Variants in GPHN observed in about 807,000 individuals in gnomAD.
The protein encoded by GPHN is gephyrin.
A neutral mutation model predicts 95.5 loss-of-function variants in GPHN; 17 were observed. The observed-to-expected ratio is 0.18, with a 90% CI of 0.12 to 0.27. The LOEUF is 0.27. GPHN is among the 10% of genes least tolerant of loss of function. The pLI, the probability that GPHN is intolerant of heterozygous loss-of-function variation, is 1.00. For synonymous variants in GPHN, 320 were observed against 322.5 expected (o/e 0.99, Z 0.08); for missense variants, 660 against 978.1 (o/e 0.67, Z 4.34).
At chr14:67,193,465 A>G in the GPHN span, among the ~76,000 whole-genome samples, 2 of 143,322 alleles carry the variant, frequency 1.4e-5, no homozygotes, top group Non-Finnish European at 3.0e-5. Flanking sequence ...ATATCTAGAT[A>G]TCTAGATATC....
rs147064324 is a variant in GPHN at position 66,609,080 on chromosome 14, T to C, written c.65-72027T>C. Among the ~76,000 whole-genome samples, 39 of 152,314 alleles carry C rather than the reference T, an allele frequency of 2.6e-4. No individual in the cohort carries two copies. The East Asian group carries it at 7.3e-3, about 29-fold the overall frequency. On this transcript the variant is annotated intron_variant, in intron 1 of 22. Transcript: ENST00000478722. ...TTGCATAGCTGCTTTATAGTGTCTATGGGCTATATGCTTAATTGTGTTTTT... is the reference window on the plus strand; with the variant it reads ...TTGCATAGCTGCTTTATAGTGTCTACGGGCTATATGCTTAATTGTGTTTTT...
the GPHN span, chr14:67,587,119 A>G: frequency 6.2e-7 from 1 of 1,613,626 alleles, no homozygotes; most frequent in Non-Finnish European, 8.5e-7. Context: ...GAACCATTGC[A>G]CTACAACTGT....
At chr14:67,473,377 T>C in the GPHN span, 5 of 1,594,996 alleles carry the variant, frequency 3.1e-6, no homozygotes, top group Non-Finnish European at 4.3e-6. The surrounding 1 kb of genome is among the most constrained non-coding windows in gnomAD (Gnocchi z 6.5). Flanking sequence ...TCTTTGTCCA[T>C]GAGTTCCATG....
intron 1 of GPHN, among the ~76,000 whole-genome samples, chr14:66,542,199 A>G (rs571263722): frequency 6.6e-6 from 1 of 152,366 alleles, no homozygotes; most frequent in South Asian, 2.1e-4. Context: ...GAAAATGCAG[A>G]ATCATGCTGA....
intron 3 of GPHN, among the ~76,000 whole-genome samples, chr14:66,781,358 A>G (rs1726101332): frequency 6.6e-6 from 1 of 151,984 alleles, no homozygotes; most frequent in Admixed American, 6.6e-5. Flanking sequence ...CTGGGACTAC[A>G]GGCATGCGCC....
At chr14:66,932,444 GTTTTTTTTTTTTTTT>G (rs35159325) in intron 8 of GPHN, among the ~76,000 whole-genome samples, 16 of 24,394 alleles carry the variant, frequency 6.6e-4, no homozygotes, top group South Asian at 4.9e-3. Context: ...CCAAGACCAG[GTTTTTTTTTTTTTTT>G]TTTTTTTTTT....
At chr14:67,659,696 G>GA in the GPHN span, 11,189 of 1,327,720 alleles carry the variant, frequency 8.4e-3, 2 homozygotes, top group South Asian at 0.013. Flanking sequence ...GGCCCTTAAA[G>GA]GAAAAAAAAA....
At chr14:67,480,384 T>C in the GPHN span, among the ~76,000 whole-genome samples, 1 of 152,088 alleles carries the variant, frequency 6.6e-6, no homozygotes, top group Admixed American at 6.5e-5. Context: ...CCCGGGAGAC[T>C]GAAGGTGAGC....
the GPHN span, chr14:67,334,295 C>T: frequency 6.6e-6 from 1 of 152,528 alleles, no homozygotes; most frequent in African/African-American, 2.4e-5. Context: ...CTTTAAAATT[C>T]AACGTATATA....
chr14:67,577,443 G>C, the GPHN span: 1 of 1,353,242 alleles, frequency 7.4e-7, no homozygotes, highest in Non-Finnish European at 1.0e-6. Flanking sequence ...CAGGCCCACC[G>C]CTGGGATACT....
In GPHN at chr14:66,662,293, T is replaced by C. The variant is rs1267758259; in HGVS notation, c.65-18814T>C. On this transcript the variant is annotated intron_variant, in intron 1 of 22. Transcript: ENST00000478722. ...GCCAGCAACCAGGTCTGTACCCCTC[T>C]GGGACAGAGCTCCCAGAGGAAGGGG... Among the ~76,000 whole-genome samples the C allele has an allele frequency of 2.0e-5, 3 of 152,114 alleles. No homozygotes were observed. The East Asian group carries it at 5.8e-4, about 29-fold the overall frequency.
At chr14:67,264,691 T>G in the GPHN span, among the ~76,000 whole-genome samples, 1 of 152,200 alleles carries the variant, frequency 6.6e-6, no homozygotes, top group African/African-American at 2.4e-5. Flanking sequence ...CAGTGTTTTT[T>G]TCGAGCTCTT....
At chr14:67,173,588 T>C (rs946286011) in intron 21 of GPHN, among the ~76,000 whole-genome samples, 3 of 152,022 alleles carry the variant, frequency 2.0e-5, no homozygotes, top group African/African-American at 7.3e-5. Flanking sequence ...ACCAGAAAGA[T>C]TGGAAGAAAG....
At chr14:67,603,483 C>A in the GPHN span, among the ~76,000 whole-genome samples, 1 of 152,318 alleles carries the variant, frequency 6.6e-6, no homozygotes, top group East Asian at 1.9e-4. Context: ...AGTCTAAGAT[C>A]TCTAAAATCC....
chr14:66,847,416 A>G (rs1437494499), intron 4 of GPHN, among the ~76,000 whole-genome samples: 1 of 152,120 alleles, frequency 6.6e-6, no homozygotes, highest in East Asian at 1.9e-4. Context: ...TATTAATAAT[A>G]AATATACTTT....
the GPHN span, among the ~76,000 whole-genome samples, chr14:67,479,693 A>G: frequency 6.6e-6 from 1 of 152,136 alleles, no homozygotes; most frequent in Non-Finnish European, 1.5e-5. Context: ...ACTCTAGCCT[A>G]GGTGACAGAG....
intron 1 of GPHN, among the ~76,000 whole-genome samples, chr14:66,636,348 G>T (rs1407294461): frequency 6.6e-6 from 1 of 151,872 alleles, no homozygotes; most frequent in African/African-American, 2.4e-5. Context: ...AAAAAATACT[G>T]ACAATATAGA....
At chr14:66,649,860 T>A (rs2064951843) in intron 1 of GPHN, among the ~76,000 whole-genome samples, 3 of 152,200 alleles carry the variant, frequency 2.0e-5, no homozygotes, top group African/African-American at 7.2e-5. Flanking sequence ...GGTAACGCTT[T>A]AAGTCAGAAT....
chr14:66,897,000 A>G, intron 5 of GPHN, among the ~76,000 whole-genome samples: 1 of 152,184 alleles, frequency 6.6e-6, no homozygotes. Flanking sequence ...ATACATATGA[A>G]AATTTTATAT....
Sources: allele counts gnomAD v4.1 joint callset (sites outside exome capture counted in the v4.1 genomes callset), GRCh38; gene constraint gnomAD v4.1.1; non-coding constraint Gnocchi (gnomAD v3.1); transcripts MANE v1.5; gene names NCBI Gene and HGNC (gene_info 2026-07-23, HGNC 2026-07-21).